SDHAF3: variants seen among roughly 807,000 people sequenced by gnomAD.
SDHAF3 encodes the protein succinate dehydrogenase assembly factor 3, mitochondrial.
SDHAF3 carries 18 observed loss-of-function variants against 11.5 expected under a neutral mutation model. The ratio of observed to expected loss-of-function variants is 1.56; its 90% CI spans 1.08 to 2.32. SDHAF3 has a LOEUF of 2.32. Among genes scored for constraint, SDHAF3 ranks in the 30% most tolerant of loss-of-function variants. The pLI, the probability that SDHAF3 is intolerant of heterozygous loss-of-function variation, is 0.00. For missense variants in SDHAF3, 200 were observed against 154.4 expected (o/e 1.30, Z -1.57); for synonymous variants, 72 against 59.3 (o/e 1.21, Z -0.99).
chr7:97,134,003 A>C (rs1023483958), intron 1 of SDHAF3, among the ~76,000 whole-genome samples: 1 of 152,224 alleles, frequency 6.6e-6, no homozygotes, highest in Non-Finnish European at 1.5e-5. Flanking sequence ...CTTTGGTGCA[A>C]TAACTCTTTA....
intron 1 of SDHAF3, among the ~76,000 whole-genome samples, chr7:97,126,322 A>G (rs1791577071): frequency 6.6e-6 from 1 of 152,234 alleles, no homozygotes; most frequent in African/African-American, 2.4e-5. Context: ...GTGGAGCTCA[A>G]GCACCGTCCT....
At chr7:97,138,161 A>G (rs1011633197) in intron 1 of SDHAF3, among the ~76,000 whole-genome samples, 1 of 127,236 alleles carries the variant, frequency 7.9e-6, no homozygotes, top group African/African-American at 2.9e-5. Flanking sequence ...GCCAAGCCCC[A>G]CTGGCATTTT....
At chr7:97,171,775 A>G (rs530690615) in intron 1 of SDHAF3, among the ~76,000 whole-genome samples, 222 of 152,184 alleles carry the variant, frequency 1.5e-3, no homozygotes, top group African/African-American at 5.0e-3. Flanking sequence ...GGATTTTCAT[A>G]TATCATTATT....
At chr7:97,160,619 A>G (rs1789394203) in intron 1 of SDHAF3, among the ~76,000 whole-genome samples, 1 of 152,182 alleles carries the variant, frequency 6.6e-6, no homozygotes, top group African/African-American at 2.4e-5. Flanking sequence ...CCCCAAAAGA[A>G]AAAAAAGAAT....
At chr7:97,172,028 C>A (rs10235199) in intron 1 of SDHAF3, among the ~76,000 whole-genome samples, 1 of 151,832 alleles carries the variant, frequency 6.6e-6, no homozygotes, top group Admixed American at 6.6e-5. Flanking sequence ...CTTTCCCTTT[C>A]ATTTAGTTAC....
At chr7:97,133,232 A>G (rs1214389457) in intron 1 of SDHAF3, among the ~76,000 whole-genome samples, 2 of 152,212 alleles carry the variant, frequency 1.3e-5, no homozygotes, top group African/African-American at 4.8e-5. Context: ...CAGTAAGTGG[A>G]GTAAATAAAG....
At chr7:97,149,740 T>C (rs1473628882) in intron 1 of SDHAF3, among the ~76,000 whole-genome samples, 1 of 152,210 alleles carries the variant, frequency 6.6e-6, no homozygotes, top group African/African-American at 2.4e-5. Context: ...TGCTGAATGA[T>C]GAGGGGGGTA....
chr7:97,131,479 A>G (rs1791671309), intron 1 of SDHAF3, among the ~76,000 whole-genome samples: 1 of 152,202 alleles, frequency 6.6e-6, no homozygotes, highest in Admixed American at 6.5e-5. Context: ...AACTTTTTAA[A>G]TAATCAGGCA....
intron 1 of SDHAF3, among the ~76,000 whole-genome samples, chr7:97,179,915 A>G (rs982483078): frequency 2.0e-5 from 3 of 152,226 alleles, no homozygotes; most frequent in East Asian, 1.9e-4. Context: ...CATTCCAGCA[A>G]TTACAAGCAA....
chr7:97,157,055 T>G (rs1265790497), intron 1 of SDHAF3, among the ~76,000 whole-genome samples: 2 of 152,144 alleles, frequency 1.3e-5, no homozygotes, highest in African/African-American at 4.8e-5. Flanking sequence ...ACATGTGGTG[T>G]TTGGTTTTCT....
chr7:97,149,589 T>C (rs1305211155), intron 1 of SDHAF3, among the ~76,000 whole-genome samples: 1 of 152,248 alleles, frequency 6.6e-6, no homozygotes, highest in Non-Finnish European at 1.5e-5. Context: ...TACACTATTA[T>C]CTACTAAGTG....
In SDHAF3 at chr7:97,144,036, G is replaced by A. The variant is rs565363578; in HGVS notation, c.174+26139G>A. 3.9e-5 allele frequency among the ~76,000 whole-genome samples: 6 copies of A among 152,182 alleles called. No homozygotes were observed. In the South Asian group the frequency reaches 6.2e-4, roughly 16 times the overall value. On this transcript the variant is annotated intron_variant, in intron 1 of 1. Transcript: ENST00000432641. The stretch of plus-strand genomic sequence containing the variant: ...TTTTTTATTATGGCCATTCCTGCAG[G>A]AGCAAGATGGTATCACATTGTGGTT...
intron 1 of SDHAF3, among the ~76,000 whole-genome samples, chr7:97,167,578 G>C (rs944131034): frequency 6.6e-6 from 1 of 152,202 alleles, no homozygotes; most frequent in African/African-American, 2.4e-5. Flanking sequence ...ATAGTCGGCT[G>C]TACAGGAGAT....
At chr7:97,136,468 G>A in intron 1 of SDHAF3, 1 of 648,162 alleles carries the variant, frequency 1.5e-6, no homozygotes, top group South Asian at 1.7e-5. Context: ...GGTACTTTCA[G>A]TAAGTAAGAC....
At chr7:97,144,786 G>A (rs1789111069) in intron 1 of SDHAF3, among the ~76,000 whole-genome samples, 1 of 152,044 alleles carries the variant, frequency 6.6e-6, no homozygotes, top group Admixed American at 6.6e-5. Flanking sequence ...TTGGCTATGT[G>A]GGCTCTTCTT....
intron 1 of SDHAF3, among the ~76,000 whole-genome samples, chr7:97,124,936 C>T (rs1268696024): frequency 6.6e-6 from 1 of 152,138 alleles, no homozygotes; most frequent in African/African-American, 2.4e-5. Flanking sequence ...ATCAGGTCAT[C>T]TGCAAACAGT....
intron 1 of SDHAF3, among the ~76,000 whole-genome samples, chr7:97,166,252 C>G (rs979041877): frequency 7.2e-5 from 11 of 152,010 alleles, no homozygotes; most frequent in Non-Finnish European, 1.6e-4. Flanking sequence ...CATCATATGC[C>G]CTAGGTGGTT....
intron 1 of SDHAF3, among the ~76,000 whole-genome samples, chr7:97,155,871 G>C (rs1275193243): frequency 1.9e-5 from 1 of 51,508 alleles, no homozygotes. Flanking sequence ...ACATTACCTA[G>C]TGGGGAGTGT....
At chr7:97,141,071 T>C (rs866231025) in intron 1 of SDHAF3, among the ~76,000 whole-genome samples, 8 of 152,166 alleles carry the variant, frequency 5.3e-5, no homozygotes, top group Non-Finnish European at 7.3e-5. Context: ...TCTTTTACGG[T>C]CATAGCTGAG....
Sources: allele counts gnomAD v4.1 joint callset (sites outside exome capture counted in the v4.1 genomes callset), GRCh38; gene constraint gnomAD v4.1.1; transcripts MANE v1.5; gene names NCBI Gene and HGNC (gene_info 2026-07-23, HGNC 2026-07-21).